The following TENT4A variants were observed in gnomAD, a reference collection of about 807,000 sequenced individuals.
TENT4A encodes the protein DNA polymerase kappa.
Under a neutral mutation model 72.8 loss-of-function variants are expected in TENT4A, and 7 were observed. The observed-to-expected ratio is 0.10, with a 90% CI of 0.05 to 0.18. TENT4A has a LOEUF of 0.18. TENT4A is among the 10% of genes least tolerant of loss of function. The pLI is 1.00. For synonymous variants in TENT4A, 456 were observed against 434.3 expected (o/e 1.05, Z -0.62); for missense variants, 831 against 1,017.7 (o/e 0.82, Z 2.50).
At chr5:6,718,604 C>T (rs1433626640) in intron 1 of TENT4A, among the ~76,000 whole-genome samples, 5 of 152,224 alleles carry the variant, frequency 3.3e-5, no homozygotes, top group African/African-American at 1.2e-4. Flanking sequence ...TGTATGATCA[C>T]ACTAAGCAGA....
At chr5:6,738,624 T>C (rs1384518959) in intron 2 of TENT4A, 59 bp from the exon 3 acceptor site, 11 of 1,221,530 alleles carry the variant, frequency 9.0e-6, no homozygotes, top group Non-Finnish European at 1.3e-5. Flanking sequence ...TAAGAAATAA[T>C]GGTAGTGTGA....
intron 1 of TENT4A, among the ~76,000 whole-genome samples, chr5:6,720,705 A>AAT (rs1284121538): frequency 2.0e-5 from 3 of 151,286 alleles, no homozygotes; most frequent in African/African-American, 7.3e-5. Flanking sequence ...TAAATAAATA[A>AAT]ATAAATAAAT....
At chr5:6,737,773 G>A in intron 2 of TENT4A, 140 bp downstream of exon 2, 1 of 928,428 alleles carries the variant, frequency 1.1e-6, no homozygotes, top group Non-Finnish European at 1.6e-6. Flanking sequence ...TGTGCTTTGA[G>A]AAGGCCTCCG....
chr5:6,738,060 G>C (rs1741601865), intron 2 of TENT4A, among the ~76,000 whole-genome samples: 2 of 152,270 alleles, frequency 1.3e-5, no homozygotes, highest in East Asian at 1.9e-4. Flanking sequence ...GTAAAACTTG[G>C]AAGTGTTCCC....
rs1228374112 is a variant in TENT4A, at chr5:6,713,882, C to T, written c.-102C>T. On this transcript the variant is annotated 5_prime_UTR_variant, in exon 1 of 13. Transcript: ENST00000230859. ...GCCGCCGCCGCCACCGGCCCAGGCC[C>T]GTCCGTCCGTCCGTGCGCGCGCGGC... is the stretch of plus-strand genomic sequence containing the variant. 2.5e-5 allele frequency: 6 copies of T among 243,152 alleles called. No homozygotes were observed. Among genetic ancestry groups the T allele is most frequent in the South Asian group, 1.4e-4 (1 of 7,276 alleles). 15.1% of individuals were successfully genotyped at this position (243,152 alleles called of 1,614,324 possible).
At chr5:6,729,029 A>C (rs1049895673) in intron 1 of TENT4A, among the ~76,000 whole-genome samples, 1 of 152,234 alleles carries the variant, frequency 6.6e-6, no homozygotes, top group African/African-American at 2.4e-5. Flanking sequence ...AAACAACTTT[A>C]AAATATTGTA....
intron 6 of TENT4A, among the ~76,000 whole-genome samples, chr5:6,744,216 C>T (rs1488691332): frequency 6.6e-6 from 1 of 152,184 alleles, no homozygotes; most frequent in East Asian, 1.9e-4. Context: ...TTGAGTACCA[C>T]ATATGAGAAA....
intron 1 of TENT4A, among the ~76,000 whole-genome samples, chr5:6,725,707 TAA>T (rs943822704): frequency 3.3e-5 from 5 of 152,212 alleles, no homozygotes; most frequent in Admixed American, 6.5e-5. Context: ...CAGAAAGCTC[TAA>T]AGTCACTCAG....
chr5:6,718,116 A>G (rs756779169), intron 1 of TENT4A, among the ~76,000 whole-genome samples: 130 of 152,242 alleles, frequency 8.5e-4, no homozygotes, highest in Non-Finnish European at 1.7e-3. Context: ...TTGGTATTTA[A>G]TCTCATCCTT....
intron 2 of TENT4A, among the ~76,000 whole-genome samples, chr5:6,738,244 C>T (rs997667766): frequency 6.6e-6 from 1 of 152,058 alleles, no homozygotes; most frequent in Non-Finnish European, 1.5e-5. Context: ...CGTGCCCCAG[C>T]TGTGAGGGGC....
intron 11 of TENT4A, chr5:6,751,450 C>T: frequency 3.4e-6 from 1 of 289,902 alleles, no homozygotes; most frequent in Non-Finnish European, 6.3e-6. Context: ...GGTTGACTGC[C>T]TTCCTGCAAG....
intron 1 of TENT4A, among the ~76,000 whole-genome samples, chr5:6,729,404 C>T (rs1161864759): frequency 1.3e-5 from 2 of 152,244 alleles, no homozygotes; most frequent in Middle Eastern, 3.2e-3. Context: ...AAAGATGATG[C>T]TCACTTATCT....
At chr5:6,750,997 T>G (rs527320204) in intron 10 of TENT4A, 42 bp from the exon 11 acceptor site, 1 of 1,606,584 alleles carries the variant, frequency 6.2e-7, no homozygotes, top group Non-Finnish European at 8.5e-7. Context: ...AGTGCACCTT[T>G]GTGGTACAGC....
rs1742703841 is a variant in TENT4A, at chr5:6,756,432, T to C, written c.*1487T>C. The C allele has an allele frequency of 6.6e-6, 1 of 152,646 alleles. No homozygotes were observed. The highest frequency in any genetic ancestry group is 1.5e-5 in the Non-Finnish European group (1 of 68,026). 9.5% of individuals were successfully genotyped at this position (152,646 alleles called of 1,614,324 possible). A position where few individuals can be genotyped will look rare whatever the true frequency, so the allele number is the denominator to read the frequency against. The stretch of plus-strand genomic sequence containing the variant: ...GAGAATGTCAAGACAAGATACTTAT[T>C]ACCATGACATCTGATGCATGTGCAG... On this transcript the variant is annotated 3_prime_UTR_variant, in exon 13 of 13. Transcript: ENST00000230859.
chr5:6,737,715 G>A (rs1198763461), intron 2 of TENT4A, 82 bp downstream of exon 2: 1 of 1,449,936 alleles, frequency 6.9e-7, no homozygotes, highest in Non-Finnish European at 9.4e-7. Context: ...GTGTCGGCTA[G>A]ATCCACACAG....
intron 7 of TENT4A, among the ~76,000 whole-genome samples, chr5:6,746,987 T>C (rs968733048): frequency 1.3e-5 from 2 of 152,206 alleles, no homozygotes; most frequent in East Asian, 3.8e-4. Context: ...TTTATTCCCA[T>C]TGGCGTATTC....
chr5:6,737,714 AGAT>A (rs1433883678), intron 2 of TENT4A, 81 bp downstream of exon 2: 14 of 1,449,010 alleles, frequency 9.7e-6, no homozygotes, highest in Non-Finnish European at 1.2e-5. Flanking sequence ...TGTGTCGGCT[AGAT>A]CCACACAGAC....
intron 1 of TENT4A, chr5:6,715,020 G>A (rs970424535): frequency 7.3e-5 from 13 of 178,232 alleles, no homozygotes; most frequent in Middle Eastern, 2.2e-3. Context: ...GGGCAAGTGA[G>A]GAACCCCTTG....
In TENT4A at chr5:6,731,126, A is replaced by G. The variant is rs1193458085; in HGVS notation, c.717-6384A>G. 2.0e-5 allele frequency among the ~76,000 whole-genome samples: 3 copies of G among 152,230 alleles called. No individual in the cohort carries two copies. In the East Asian group the frequency reaches 5.8e-4, roughly 29 times the overall value. On this transcript the variant is annotated intron_variant, in intron 1 of 12. Coordinates refer to ENST00000230859, the MANE Select transcript of TENT4A (RefSeq NM_006999.6). ...AGGGTTAACTCCAAATATTTTCACTAAGGTATTGTTTTTTTGGGCAAAAAT... is the reference window on the plus strand; with the variant it reads ...AGGGTTAACTCCAAATATTTTCACTGAGGTATTGTTTTTTTGGGCAAAAAT...
Sources: gnomAD v4.1 joint callset for allele counts (sites outside exome capture counted in the v4.1 genomes callset) on GRCh38, gnomAD v4.1.1 for gene constraint, MANE v1.5 for transcripts, NCBI Gene and HGNC (gene_info 2026-07-23, HGNC 2026-07-21) for gene names.